Variants in SRCIN1 observed in about 807,000 individuals in gnomAD.
The protein encoded by SRCIN1 is P130Cas-associated protein.
Under a neutral mutation model 116.2 loss-of-function variants are expected in SRCIN1, and 50 were observed. The observed-to-expected ratio is 0.43, with a 90% CI of 0.34 to 0.54. The LOEUF is 0.54. Among genes scored for constraint, SRCIN1 ranks in the 20% least tolerant of loss-of-function variants. SRCIN1 has a pLI of 0.02. For missense variants in SRCIN1, 1,446 were observed against 1,672.0 expected (o/e 0.86, Z 2.36); for synonymous variants, 736 against 750.0 (o/e 0.98, Z 0.30).
chr17:38,551,473 G>T, intron 14 of SRCIN1, 84 bp from the exon 15 acceptor site: 1 of 1,181,698 alleles, frequency 8.5e-7, no homozygotes. Context: ...CCCAAGCCAC[G>T]TAGGCAAGGA....
At chr17:38,559,376 T>G in intron 10 of SRCIN1, 1 of 584,936 alleles carries the variant, frequency 1.7e-6, no homozygotes. Flanking sequence ...AAGGCCTTGG[T>G]GAGGAAGTGG....
At chr17:38,586,080 C>G (rs1016580577) in intron 1 of SRCIN1, among the ~76,000 whole-genome samples, 2 of 152,214 alleles carry the variant, frequency 1.3e-5, no homozygotes, top group Non-Finnish European at 2.9e-5. Context: ...AGGCCTGAGA[C>G]AGGGCCTGGG....
chr17:38,587,650 T>C (rs1342025330), intron 1 of SRCIN1, among the ~76,000 whole-genome samples: 3 of 151,346 alleles, frequency 2.0e-5, no homozygotes, highest in Admixed American at 1.3e-4. Context: ...GGGGAGCCCC[T>C]CTCTAGGCCA....
chr17:38,542,057 G>C (rs1417132346), intron 18 of SRCIN1: 1 of 151,690 alleles, frequency 6.6e-6, no homozygotes, highest in Non-Finnish European at 1.5e-5. Flanking sequence ...AGGTGTGGGG[G>C]GGGTCTACAA....
intron 4 of SRCIN1, 86 bp downstream of exon 4, chr17:38,564,032 G>A: frequency 4.2e-6 from 6 of 1,439,732 alleles, no homozygotes; most frequent in Non-Finnish European, 4.7e-6. Flanking sequence ...GAGCTGGCGT[G>A]CTGTAGGGGA....
intron 11 of SRCIN1, among the ~76,000 whole-genome samples, chr17:38,554,053 A>G (rs1262870426): frequency 6.6e-6 from 1 of 152,166 alleles, no homozygotes; most frequent in Non-Finnish European, 1.5e-5. Context: ...TTTACTAAAT[A>G]TACAAAAATT....
intron 11 of SRCIN1, among the ~76,000 whole-genome samples, chr17:38,555,236 A>C (rs1191050780): frequency 1.3e-5 from 2 of 152,226 alleles, no homozygotes; most frequent in Non-Finnish European, 2.9e-5. Context: ...ATAAGTGGCC[A>C]TTTAACTGAA....
rs980136033 is a variant in SRCIN1, at chr17:38,604,055, C to T, written c.22+1629G>A. Among the ~76,000 whole-genome samples, 3 of 152,134 alleles carry T rather than the reference C, an allele frequency of 2.0e-5. No homozygotes were observed. Among genetic ancestry groups the T allele is most frequent in the Admixed American group, 6.5e-5 (1 of 15,280 alleles). ...GCCTCACAATCTCCATCAAATGCATCATCAATTTTTAAAGATCAACAAGAG... is the reference window on the plus strand; with the variant it reads ...GCCTCACAATCTCCATCAAATGCATTATCAATTTTTAAAGATCAACAAGAG... On this transcript the variant is annotated intron_variant, in intron 1 of 18. Coordinates refer to ENST00000617146, the MANE Select transcript of SRCIN1 (RefSeq NM_025248.3). This position sits in a 1 kb window ranked among gnomAD's most constrained non-coding sequence, Gnocchi z 4.3.
intron 18 of SRCIN1, among the ~76,000 whole-genome samples, chr17:38,536,364 G>A (rs1567847984): frequency 2.0e-5 from 3 of 152,234 alleles, no homozygotes; most frequent in Non-Finnish European, 4.4e-5. Flanking sequence ...CTCCCCTGCT[G>A]ATTCCAATTA....
Position 38,563,235 on chromosome 17 carries a change from G to C in SRCIN1, c.740+88C>G. Reference sequence around the variant, plus strand: ...GGAAAGGCTGAGGTCGGGTCAGGAAGGAGCTGGGGAAGGGCCGGCGGGGTC... The same window carrying C: ...GGAAAGGCTGAGGTCGGGTCAGGAACGAGCTGGGGAAGGGCCGGCGGGGTC... On this transcript the variant is annotated intron_variant, in intron 5 of 18. Coordinates refer to ENST00000617146, the MANE Select transcript of SRCIN1 (RefSeq NM_025248.3). The surrounding 1 kb of genome is among the most constrained non-coding windows in gnomAD (Gnocchi z 5.8). 5.5e-6 allele frequency: 8 copies of C among 1,455,906 alleles called. No homozygotes were observed. Among genetic ancestry groups the C allele is most frequent in the Non-Finnish European group, 7.4e-6 (8 of 1,074,216 alleles). 90.2% of individuals were successfully genotyped at this position (1,455,906 alleles called of 1,614,324 possible). A position where few individuals can be genotyped will look rare whatever the true frequency, so the allele number is the denominator to read the frequency against.
At chr17:38,601,217 G>A (rs1459805155) in intron 1 of SRCIN1, 1 of 152,354 alleles carries the variant, frequency 6.6e-6, no homozygotes, top group Non-Finnish European at 1.5e-5. Flanking sequence ...ACTGAGGAAG[G>A]ATAAGAATGA....
Position 38,568,082 on chromosome 17 carries a change from C to T in SRCIN1, c.345+129G>A, listed in dbSNP as rs984898394. 21 of 1,166,866 alleles carry T rather than the reference C, an allele frequency of 1.8e-5. No individual in the cohort carries two copies. The highest frequency in any genetic ancestry group is 1.0e-5 in the Non-Finnish European group (8 of 797,070). The allele number at this position is 1,166,866 out of a possible 1,614,324, so 72.3% of individuals were successfully genotyped here. A position where few individuals can be genotyped will look rare whatever the true frequency, so the allele number is the denominator to read the frequency against. ...CAGCCACAGCCTGCAGCCCCGAGGC[C>T]CACCGCCCATACCAGAAGGTGTCCG... On this transcript the variant is annotated intron_variant, in intron 3 of 18. Transcript: ENST00000617146. The surrounding 1 kb of genome is among the most constrained non-coding windows in gnomAD (Gnocchi z 4.5).
chr17:38,558,179 A>C lies in SRCIN1; in HGVS notation c.2201+48T>G, dbSNP rs1044385071. 1 of 1,589,184 alleles carries C rather than the reference A, an allele frequency of 6.3e-7. No homozygotes were observed. The highest frequency in any genetic ancestry group is 1.1e-5 in the South Asian group (1 of 89,084). ...TCCCAGGGAAACCAGGTTGCGGGTC[A>C]CTCCAGCCGCACCCCCACCCCTCCC... On this transcript the variant is annotated intron_variant, in intron 11 of 18. Coordinates refer to ENST00000617146, the MANE Select transcript of SRCIN1 (RefSeq NM_025248.3). This position sits in a 1 kb window ranked among gnomAD's most constrained non-coding sequence, Gnocchi z 4.6.
At position 38,604,286 on chromosome 17, in the gene SRCIN1, T is replaced by C. The variant is rs1286187418; in HGVS notation, c.22+1398A>G. On this transcript the variant is annotated intron_variant, in intron 1 of 18. Coordinates refer to ENST00000617146, the MANE Select transcript of SRCIN1 (RefSeq NM_025248.3). The surrounding 1 kb of genome is among the most constrained non-coding windows in gnomAD (Gnocchi z 4.3). Reference sequence around the variant, plus strand: ...TCCCTCACTCCCAAGCCTCACCTGTTTCTCCCTTCCCCAAAACAGACAGCA... The same window carrying C: ...TCCCTCACTCCCAAGCCTCACCTGTCTCTCCCTTCCCCAAAACAGACAGCA... 1.3e-5 allele frequency among the ~76,000 whole-genome samples: 2 copies of C among 152,054 alleles called. No homozygotes were observed. Among genetic ancestry groups the C allele is most frequent in the African/African-American group, 4.8e-5 (2 of 41,392 alleles).
At chr17:38,548,824 ACACCCCTGCCAGGGTGTCCCT>A in intron 16 of SRCIN1, 115 bp from the exon 17 acceptor site, 1 of 1,393,530 alleles carries the variant, frequency 7.2e-7, no homozygotes, top group Non-Finnish European at 9.5e-7. Flanking sequence ...TTCTGCTGCT[ACACCCCTGCCAGGGTGTCCCT>A]CAACAGACAG....
rs769787495 is a variant in SRCIN1, at chr17:38,551,268, C to T, written c.2849G>A (p.Cys950Tyr). 5.6e-6 allele frequency: 9 copies of T among 1,613,654 alleles called. No individual in the cohort carries two copies. Among genetic ancestry groups the T allele is most frequent in the South Asian group, 4.4e-5 (4 of 91,048 alleles). ...CGGGCCTGGATGGGCCTTGCTGGCA[C>T]AGTCCAGGTCAGGGATGGCCTTGAG... ...ELLKAIPDLDCASKAHPGPAP... is the reference protein window; with the variant it reads ...ELLKAIPDLDYASKAHPGPAP... The change falls in exon 15 of 19, where the codon TGT (cysteine) becomes TAT (tyrosine). Residue 950 changes from cysteine (C) to tyrosine (Y), a missense_variant. By Grantham distance (194) the Cys-to-Tyr change is radical (BLOSUM62 -2). Transcript: ENST00000617146.
At position 38,552,104 on chromosome 17, in the gene SRCIN1, G is replaced by A. The variant is rs1301997837; in HGVS notation, c.2509C>T (p.Pro837Ser). The A allele has an allele frequency of 6.2e-7, 1 of 1,612,870 alleles. No homozygotes were observed. The highest frequency in any genetic ancestry group is 1.3e-5 in the African/African-American group (1 of 74,890). The change falls in exon 14 of 19, where the codon CCC (proline) becomes TCC (serine). Residue 837 changes from proline to serine, a missense_variant. Around this residue, in one of 5 missense-constraint regions of SRCIN1, gnomAD observed 531 missense variants for 633.9 expected, o/e 0.84. Transcript: ENST00000617146. The surrounding 1 kb of genome is among the most constrained non-coding windows in gnomAD (Gnocchi z 5.3). ...GGGGACTGACTCAGGAGATTGTTGG[G>A]GGGTGGCCACACACCCTCATCCACT... ...RQVDEGVWPP[P>S]NNLLSQSPKK...
In SRCIN1 at chr17:38,605,852, C is replaced by A; in HGVS notation, c.-147G>T. 1 of 165,192 alleles carries A rather than the reference C, an allele frequency of 6.1e-6. No homozygotes were observed. Among genetic ancestry groups the A allele is most frequent in the South Asian group, 1.8e-4 (1 of 5,474 alleles). 10.2% of individuals were successfully genotyped at this position (165,192 alleles called of 1,614,324 possible). A position where few individuals can be genotyped will look rare whatever the true frequency, so the allele number is the denominator to read the frequency against. ...GGGCGCGGGCCCCGCCGGGGTGGAC[C>A]AGCTGGGAGGGCGCCGGCGGCCGGG... On this transcript the variant is annotated 5_prime_UTR_variant, in exon 1 of 19. Coordinates refer to ENST00000617146, the MANE Select transcript of SRCIN1 (RefSeq NM_025248.3).
Position 38,533,038 on chromosome 17 carries a change from T to C in SRCIN1, c.*259A>G. 1 of 291,000 alleles carries C rather than the reference T, an allele frequency of 3.4e-6. No homozygotes were observed. Among genetic ancestry groups the C allele is most frequent in the Non-Finnish European group, 6.1e-6 (1 of 163,652 alleles). The allele number at this position is 291,000 out of a possible 1,614,324, so 18.0% of individuals were successfully genotyped here. ...AGAGGCCAGCTGGGATCAAGGAAGG[T>C]GGTGTGTTTGGTTTTTAGTTTTACT... On this transcript the variant is annotated 3_prime_UTR_variant, in exon 19 of 19. Coordinates refer to ENST00000617146, the MANE Select transcript of SRCIN1 (RefSeq NM_025248.3).
Sources: allele counts gnomAD v4.1 joint callset (sites outside exome capture counted in the v4.1 genomes callset), GRCh38; gene constraint gnomAD v4.1.1; regional missense constraint gnomAD v4.1.1; non-coding constraint Gnocchi (gnomAD v3.1); transcripts MANE v1.5; gene names NCBI Gene and HGNC (gene_info 2026-07-23, HGNC 2026-07-21).